Variants in PDLIM5 observed in about 807,000 individuals in gnomAD.
The protein encoded by PDLIM5 is PDZ and LIM domain 5, also known as PDZ and LIM domain protein 5.
PDLIM5 carries 34 observed loss-of-function variants against 64.2 expected under a neutral mutation model. The ratio of observed to expected loss-of-function variants is 0.53; its 90% CI spans 0.40 to 0.71. PDLIM5 has a LOEUF of 0.71. Among genes scored for constraint, PDLIM5 ranks in the 30% least tolerant of loss-of-function variants. PDLIM5 has a pLI of 0.00. For missense variants in PDLIM5, 683 were observed against 733.6 expected (o/e 0.93, Z 0.80); for synonymous variants, 253 against 269.1 (o/e 0.94, Z 0.59).
chr4:94,473,098 G>A (rs1000919070), intron 2 of PDLIM5, among the ~76,000 whole-genome samples: 1 of 152,108 alleles, frequency 6.6e-6, no homozygotes, highest in African/African-American at 2.4e-5. Flanking sequence ...TCACAGATAA[G>A]GTGACATTTG....
At chr4:94,529,271 G>A (rs918191318) in intron 3 of PDLIM5, among the ~76,000 whole-genome samples, 1 of 152,098 alleles carries the variant, frequency 6.6e-6, no homozygotes. Flanking sequence ...TAGTGGTGGC[G>A]CTGCCTTTTC....
chr4:94,536,830 T>A (rs923052977), intron 3 of PDLIM5, among the ~76,000 whole-genome samples: 1 of 152,352 alleles, frequency 6.6e-6, no homozygotes, highest in Admixed American at 6.5e-5. Flanking sequence ...CATTCCCAAC[T>A]GTTTTCCAGT....
intron 3 of PDLIM5, among the ~76,000 whole-genome samples, chr4:94,544,474 A>C (rs1461512182): frequency 6.6e-6 from 1 of 152,194 alleles, no homozygotes; most frequent in Non-Finnish European, 1.5e-5. Context: ...CAAGTGGCTC[A>C]AGAGCGGTAC....
chr4:94,487,466 T>C (rs1203567699), intron 2 of PDLIM5, among the ~76,000 whole-genome samples: 1 of 152,222 alleles, frequency 6.6e-6, no homozygotes, highest in Non-Finnish European at 1.5e-5. Context: ...CATCCAGATA[T>C]GTTCTTCAAT....
intron 8 of PDLIM5, among the ~76,000 whole-genome samples, chr4:94,629,287 C>A (rs1200606799): frequency 6.6e-6 from 1 of 151,496 alleles, no homozygotes; most frequent in East Asian, 1.9e-4. Context: ...GGGCGGAGGT[C>A]ACAGTGAGCC....
chr4:94,459,294 C>T (rs1437190883), intron 2 of PDLIM5, among the ~76,000 whole-genome samples: 1 of 152,130 alleles, frequency 6.6e-6, no homozygotes, highest in Non-Finnish European at 1.5e-5. Flanking sequence ...AAGATGATAT[C>T]CCAATTCTCT....
At chr4:94,483,445 G>A (rs1726049925) in intron 2 of PDLIM5, among the ~76,000 whole-genome samples, 1 of 152,032 alleles carries the variant, frequency 6.6e-6, no homozygotes, top group African/African-American at 2.4e-5. Flanking sequence ...TCATTCATAA[G>A]TATATACATG....
intron 3 of PDLIM5, among the ~76,000 whole-genome samples, chr4:94,545,946 G>A (rs1732276334): frequency 6.6e-6 from 1 of 151,990 alleles, no homozygotes; most frequent in African/African-American, 2.4e-5. Flanking sequence ...TTTGAAATAT[G>A]TCTTATTTCA....
At chr4:94,573,431 T>A in intron 4 of PDLIM5, 38 bp downstream of exon 4, 1 of 1,488,306 alleles carries the variant, frequency 6.7e-7, no homozygotes, top group Non-Finnish European at 9.4e-7. Flanking sequence ...ATCACTTGAT[T>A]GTCCTTGCTG....
At chr4:94,614,605 A>T (rs754059860) in intron 7 of PDLIM5, among the ~76,000 whole-genome samples, 1 of 152,188 alleles carries the variant, frequency 6.6e-6, no homozygotes, top group Non-Finnish European at 1.5e-5. Context: ...TGAACTTCAG[A>T]TCAATTCTGG....
intron 7 of PDLIM5, among the ~76,000 whole-genome samples, chr4:94,601,595 A>G (rs1010642706): frequency 1.3e-5 from 2 of 152,198 alleles, no homozygotes; most frequent in Non-Finnish European, 1.5e-5. Flanking sequence ...CATTTTGGGT[A>G]GTATTTTCAT....
intron 2 of PDLIM5, among the ~76,000 whole-genome samples, chr4:94,470,559 G>T (rs1406060274): frequency 6.6e-6 from 1 of 152,144 alleles, no homozygotes; most frequent in African/African-American, 2.4e-5. Flanking sequence ...CCAATGCCAA[G>T]AGTTACATTT....
rs60929032 is a variant in PDLIM5, at chr4:94,543,778, C to CTG, written c.248+19959_248+19960dup. 7.4e-3 allele frequency among the ~76,000 whole-genome samples: 973 copies of CTG among 132,090 alleles called. 11 individuals carry two copies. Among genetic ancestry groups the CTG allele is most frequent in the South Asian group, 0.019 (65 of 3,502 alleles). 86.7% of individuals were successfully genotyped at this position (132,090 alleles called of 152,430 possible). A position where few individuals can be genotyped will look rare whatever the true frequency, so the allele number is the denominator to read the frequency against. On this transcript the variant is annotated intron_variant, in intron 3 of 12. Coordinates refer to ENST00000317968, the MANE Select transcript of PDLIM5 (RefSeq NM_006457.5). Reference sequence around the variant, plus strand: ...ATTTTTAAGGCTGAATAGTATTCCACTGTGTGTGTGTGTGTGTGTGTGTGT... The same window carrying CTG: ...ATTTTTAAGGCTGAATAGTATTCCACTGTGTGTGTGTGTGTGTGTGTGTGTGT...
chr4:94,664,339 A>G lies in PDLIM5; in HGVS notation c.*272A>G, dbSNP rs1278282138. 2 of 712,828 alleles carry G rather than the reference A, an allele frequency of 2.8e-6. No homozygotes were observed. Among genetic ancestry groups the G allele is most frequent in the East Asian group, 9.3e-5 (1 of 10,784 alleles). 44.2% of individuals were successfully genotyped at this position (712,828 alleles called of 1,614,324 possible). On this transcript the variant is annotated 3_prime_UTR_variant, in exon 13 of 13. Coordinates refer to ENST00000317968, the MANE Select transcript of PDLIM5 (RefSeq NM_006457.5). ...AATTTCCTGATGGACTATTAAATTC[A>G]TCTTAGAATAAATTAGTGAAGAATT... is the stretch of plus-strand genomic sequence containing the variant.
At chr4:94,535,190 G>C (rs1181818307) in intron 3 of PDLIM5, among the ~76,000 whole-genome samples, 2 of 152,142 alleles carry the variant, frequency 1.3e-5, no homozygotes, top group Non-Finnish European at 2.9e-5. Flanking sequence ...GGAGAAATTA[G>C]AGAAGTGAGA....
chr4:94,584,991 TC>T, intron 5 of PDLIM5: 1 of 1,530,432 alleles, frequency 6.5e-7, no homozygotes, highest in Non-Finnish European at 9.0e-7. Context: ...AAAAGGAAAA[TC>T]CCACCTAAAC....
intron 3 of PDLIM5, among the ~76,000 whole-genome samples, chr4:94,539,471 C>T (rs576177808): frequency 1.3e-5 from 2 of 152,264 alleles, no homozygotes; most frequent in South Asian, 2.1e-4. Context: ...TTCCTCTCTT[C>T]TGTAGGCATT....
chr4:94,489,090 T>G (rs549423033), intron 2 of PDLIM5: 2 of 152,372 alleles, frequency 1.3e-5, no homozygotes, highest in African/African-American at 4.8e-5. Flanking sequence ...CTTCTTTTGA[T>G]GAACTATAAG....
At chr4:94,537,062 C>T (rs958094423) in intron 3 of PDLIM5, among the ~76,000 whole-genome samples, 3 of 152,212 alleles carry the variant, frequency 2.0e-5, no homozygotes, top group East Asian at 1.9e-4. Context: ...TTTTACCTGC[C>T]GTGATCCCTG....
Sources: allele counts gnomAD v4.1 joint callset (sites outside exome capture counted in the v4.1 genomes callset), GRCh38; gene constraint gnomAD v4.1.1; transcripts MANE v1.5; gene names NCBI Gene and HGNC (gene_info 2026-07-23, HGNC 2026-07-21).